Variants in MAF observed in about 807,000 individuals in gnomAD.
MAF encodes the protein transcription factor Maf.
A neutral mutation model predicts 22.0 loss-of-function variants in MAF; 10 were observed. The ratio of observed to expected loss-of-function variants is 0.45; its 90% CI spans 0.28 to 0.77. The LOEUF (loss-of-function observed/expected upper bound fraction) is 0.77. Ranked by LOEUF, MAF falls within the 30% of genes least tolerant of loss-of-function variation. The pLI is 0.12. For synonymous variants in MAF, 337 were observed against 255.8 expected, an observed-to-expected ratio of 1.32 and a Z score of -3.03; for missense variants, 544 against 548.4, an observed-to-expected ratio of 0.99 and a Z score of 0.08.
At chr16:79,434,975 G>A in the MAF span, among the ~76,000 whole-genome samples, 1 of 152,100 alleles carries the variant, frequency 6.6e-6, no homozygotes, top group African/African-American at 2.4e-5. Flanking sequence ...GAGATCACTT[G>A]GGCCCAGATC....
At chr16:79,371,033 G>A in the MAF span, among the ~76,000 whole-genome samples, 1 of 152,220 alleles carries the variant, frequency 6.6e-6, no homozygotes, top group Non-Finnish European at 1.5e-5. Context: ...TGGCTCAGCT[G>A]GCTGGTTTTC....
At chr16:79,238,148 T>C in the MAF span, among the ~76,000 whole-genome samples, 1 of 152,112 alleles carries the variant, frequency 6.6e-6, no homozygotes, top group Non-Finnish European at 1.5e-5. Context: ...CTCTTCCTTC[T>C]TGAAGACAAC....
the MAF span, chr16:79,212,372 C>G: frequency 1.9e-6 from 1 of 526,330 alleles, no homozygotes; most frequent in Non-Finnish European, 3.3e-6. Flanking sequence ...GAGTAGAATA[C>G]GCAGAACTAC....
the MAF span, among the ~76,000 whole-genome samples, chr16:79,320,431 G>T: frequency 1.3e-5 from 2 of 152,194 alleles, no homozygotes; most frequent in Admixed American, 6.5e-5. Flanking sequence ...GGCAGAGTGG[G>T]GATGCCGTTG....
At chr16:79,595,958 G>A (rs1474247939) in intron 1 of MAF, 1 of 1,060,538 alleles carries the variant, frequency 9.4e-7, no homozygotes, top group East Asian at 5.2e-5. Context: ...ACTATGATTT[G>A]TCATGTTTAT....
the MAF span, among the ~76,000 whole-genome samples, chr16:79,351,836 T>C: frequency 2.0e-5 from 3 of 152,070 alleles, no homozygotes; most frequent in Non-Finnish European, 4.4e-5. Flanking sequence ...TGCTGGGAAA[T>C]GTGGCAGCTT....
At chr16:79,547,391 T>C in the MAF span, among the ~76,000 whole-genome samples, 1 of 151,752 alleles carries the variant, frequency 6.6e-6, no homozygotes, top group Non-Finnish European at 1.5e-5. Flanking sequence ...TACACACACA[T>C]TCACACACAC....
chr16:79,494,327 T>C, the MAF span, among the ~76,000 whole-genome samples: 3 of 152,190 alleles, frequency 2.0e-5, no homozygotes, highest in Admixed American at 6.5e-5. Context: ...TCCATGCAGT[T>C]GTAGGACTGA....
At chr16:79,530,947 G>A in the MAF span, among the ~76,000 whole-genome samples, 1 of 152,168 alleles carries the variant, frequency 6.6e-6, no homozygotes, top group African/African-American at 2.4e-5. Context: ...GGCCCTGGGT[G>A]GGGAGAGGCC....
chr16:79,331,742 G>C, the MAF span, among the ~76,000 whole-genome samples: 3 of 152,010 alleles, frequency 2.0e-5, no homozygotes, highest in African/African-American at 7.3e-5. Flanking sequence ...GTCTTCCCTG[G>C]CCTCCTTTCT....
chr16:79,437,104 G>T, the MAF span, among the ~76,000 whole-genome samples: 1 of 151,926 alleles, frequency 6.6e-6, no homozygotes, highest in African/African-American at 2.4e-5. Flanking sequence ...CACTCTCAAG[G>T]CATGTGTTAA....
chr16:79,571,909 A>C, the MAF span, among the ~76,000 whole-genome samples: 2 of 152,210 alleles, frequency 1.3e-5, no homozygotes, highest in Non-Finnish European at 2.9e-5. Context: ...TCAAAGAATT[A>C]GAACTGCAAA....
At chr16:79,277,977 C>T in the MAF span, among the ~76,000 whole-genome samples, 27 of 152,226 alleles carry the variant, frequency 1.8e-4, no homozygotes, top group Non-Finnish European at 1.8e-4. Flanking sequence ...ATCTGCCCAG[C>T]GCTACTAATT....
At chr16:79,337,573 C>CAAAACAAAAG in the MAF span, among the ~76,000 whole-genome samples, 2 of 151,818 alleles carry the variant, frequency 1.3e-5, no homozygotes. Context: ...GTCTCAAAAA[C>CAAAACAAAAG]AAAACAAAAC....
At chr16:79,231,280 A>G in the MAF span, among the ~76,000 whole-genome samples, 1 of 152,062 alleles carries the variant, frequency 6.6e-6, no homozygotes, top group Non-Finnish European at 1.5e-5. Context: ...GCATGCACAC[A>G]GGGAGATGCC....
chr16:79,292,173 T>A, the MAF span, among the ~76,000 whole-genome samples: 2 of 152,170 alleles, frequency 1.3e-5, no homozygotes. Context: ...TCATAACCAT[T>A]GGTAGCTGTG....
chr16:79,375,578 G>T, the MAF span, among the ~76,000 whole-genome samples: 10 of 152,196 alleles, frequency 6.6e-5, no homozygotes, highest in Admixed American at 4.6e-4. Context: ...TGAAGATGAT[G>T]ATGATATATT....
the MAF span, among the ~76,000 whole-genome samples, chr16:79,449,106 A>G: frequency 2.0e-5 from 3 of 152,232 alleles, no homozygotes; most frequent in Non-Finnish European, 2.9e-5. Flanking sequence ...AGGAGCATGC[A>G]GCCCAGACTC....
chr16:79,274,581 C>A, the MAF span, among the ~76,000 whole-genome samples: 1 of 152,160 alleles, frequency 6.6e-6, no homozygotes, highest in Non-Finnish European at 1.5e-5. Flanking sequence ...GAAGAAAGGA[C>A]CCTACTGTAT....
Sources: allele counts gnomAD v4.1 joint callset (sites outside exome capture counted in the v4.1 genomes callset), GRCh38; gene constraint gnomAD v4.1.1; transcripts MANE v1.5; gene names NCBI Gene and HGNC (gene_info 2026-07-23, HGNC 2026-07-21).